Variants in DHTKD1 observed in about 807,000 individuals in gnomAD.
DHTKD1 encodes dehydrogenase E1 and transketolase domain containing 1.
DHTKD1 carries 78 observed loss-of-function variants against 101.8 expected under a neutral mutation model. The ratio of observed to expected loss-of-function variants is 0.77; its 90% CI spans 0.64 to 0.93. The LOEUF (loss-of-function observed/expected upper bound fraction) is 0.93. DHTKD1 is among the 40% of genes least tolerant of loss of function. The pLI is 0.00. For missense variants in DHTKD1, 1,223 were observed against 1,161.7 expected, an observed-to-expected ratio of 1.05 and a Z score of -0.77; for synonymous variants, 462 against 450.3, an observed-to-expected ratio of 1.03 and a Z score of -0.33.
rs140140326 is a variant in DHTKD1 at position 12,114,763 on chromosome 10, CTTGGTTGGTTGGTTGGTTGGTTGG to C, written c.2319+1722_2319+1745del. On this transcript the variant is annotated intron_variant, in intron 13 of 16. Transcript: ENST00000263035. ...AGCTGCGAGTGATTTGCTTCCACCC[CTTGGTTGGTTGGTTGGTTGGTTGG>C]TTGGTTGGTTGGTTGGTTGGTTTTT... 2.0e-4 allele frequency among the ~76,000 whole-genome samples: 30 copies of C among 150,502 alleles called. No individual in the cohort carries two copies. In the South Asian group the frequency reaches 3.2e-3, roughly 16 times the overall value.
At chr10:12,070,359 T>G (rs957849555) in intron 1 of DHTKD1, among the ~76,000 whole-genome samples, 1 of 152,230 alleles carries the variant, frequency 6.6e-6, no homozygotes, top group Admixed American at 6.5e-5. Context: ...ATCATTAGAT[T>G]AATGTTGAAG....
At position 12,122,948 on chromosome 10, in the gene DHTKD1, G is replaced by A. The variant is rs1269592655; in HGVS notation, c.*2060G>A. ...ACTGATCATGTCTTTCAGAATCCAT[G>A]TACATATAGGCTGTTCTAGCCACAG... On this transcript the variant is annotated 3_prime_UTR_variant, in exon 17 of 17. Coordinates refer to ENST00000263035, the MANE Select transcript of DHTKD1 (RefSeq NM_018706.7). 1 of 152,172 alleles carries A rather than the reference G, an allele frequency of 6.6e-6. No individual in the cohort carries two copies. Among genetic ancestry groups the A allele is most frequent in the Non-Finnish European group, 1.5e-5 (1 of 68,030 alleles). 9.4% of individuals were successfully genotyped at this position (152,172 alleles called of 1,614,324 possible). A position where few individuals can be genotyped will look rare whatever the true frequency, so the allele number is the denominator to read the frequency against.
At chr10:12,092,680 G>A (rs1047096430) in intron 6 of DHTKD1, among the ~76,000 whole-genome samples, 1 of 151,926 alleles carries the variant, frequency 6.6e-6, no homozygotes, top group Non-Finnish European at 1.5e-5. Context: ...GTGCATGCCT[G>A]TAATCCCAGC....
At chr10:12,098,563 A>AT in intron 8 of DHTKD1, among the ~76,000 whole-genome samples, 1 of 151,948 alleles carries the variant, frequency 6.6e-6, no homozygotes, top group Non-Finnish European at 1.5e-5. Context: ...CCTCTAAATT[A>AT]TTTTATTTTA....
At chr10:12,106,115 A>T in intron 10 of DHTKD1, 131 bp from the exon 11 acceptor site, 1 of 978,350 alleles carries the variant, frequency 1.0e-6, no homozygotes, top group South Asian at 1.5e-5. Context: ...AAACAAACAA[A>T]CAAAAAGAAT....
chr10:12,107,799 G>A lies in DHTKD1; in HGVS notation c.2048-110G>A. On this transcript the variant is annotated intron_variant, in intron 11 of 16. Transcript: ENST00000263035. This position sits in a 1 kb window ranked among gnomAD's most constrained non-coding sequence, Gnocchi z 4.1. ...CTAGAAGGTGCATGTAATGAAAGCAGTTTTGGGGGGCCAGGCAGAAAACTA... is the reference window on the plus strand; with the variant it reads ...CTAGAAGGTGCATGTAATGAAAGCAATTTTGGGGGGCCAGGCAGAAAACTA... The A allele has an allele frequency of 1.4e-6, 1 of 699,016 alleles. No individual in the cohort carries two copies. The highest frequency in any genetic ancestry group is 2.5e-6 in the Non-Finnish European group (1 of 397,082). 43.3% of individuals were successfully genotyped at this position (699,016 alleles called of 1,614,324 possible).
At chr10:12,086,352 C>T (rs1370907517) in intron 3 of DHTKD1, among the ~76,000 whole-genome samples, 2 of 151,092 alleles carry the variant, frequency 1.3e-5, no homozygotes, top group Non-Finnish European at 2.9e-5. Flanking sequence ...TCCCAAGTAG[C>T]TGGGACTACA....
In DHTKD1 at chr10:12,103,527, G is replaced by GTGTGTGTGTGTT. The variant is rs1833203382; in HGVS notation, c.1896+2347_1896+2348insGTGTGTGTGTTT. ...TGTGTGTGTGTGTGTGTGTGTGTGT[G>GTGTGTGTGTGTT]TATGTATGTGACAGGTCCTCCTCTG... On this transcript the variant is annotated intron_variant, in intron 10 of 16. Coordinates refer to ENST00000263035, the MANE Select transcript of DHTKD1 (RefSeq NM_018706.7). This position sits in a 1 kb window ranked among gnomAD's most constrained non-coding sequence, Gnocchi z 4.8. Among the ~76,000 whole-genome samples, 2 of 145,186 alleles carry GTGTGTGTGTGTT rather than the reference G, an allele frequency of 1.4e-5. No individual in the cohort carries two copies. Among genetic ancestry groups the GTGTGTGTGTGTT allele is most frequent in the Non-Finnish European group, 3.0e-5 (2 of 65,984 alleles).
intron 1 of DHTKD1, among the ~76,000 whole-genome samples, chr10:12,076,815 C>A (rs1016484462): frequency 2.6e-5 from 4 of 151,820 alleles, no homozygotes; most frequent in Non-Finnish European, 4.4e-5. Flanking sequence ...CCCGCCACCA[C>A]GCCCGGCTAA....
intron 13 of DHTKD1, among the ~76,000 whole-genome samples, chr10:12,113,429 C>T (rs1251896014): frequency 3.3e-5 from 5 of 152,154 alleles, no homozygotes; most frequent in African/African-American, 9.7e-5. Context: ...AACTCTTGAC[C>T]TCAGGTGATT....
intron 13 of DHTKD1, among the ~76,000 whole-genome samples, chr10:12,113,936 GTTTT>G (rs1478245063): frequency 4.6e-5 from 7 of 151,932 alleles, no homozygotes; most frequent in African/African-American, 1.7e-4. Context: ...AAAAGAAAAA[GTTTT>G]AAAGCCCATA....
chr10:12,120,406 T>C (rs1833507315), intron 16 of DHTKD1, 139 bp downstream of exon 16: 1 of 694,716 alleles, frequency 1.4e-6, no homozygotes, highest in Admixed American at 2.7e-5. Context: ...CAATCTCAGC[T>C]CACTGCAAGC....
chr10:12,074,650 G>C (rs908296959), intron 1 of DHTKD1, among the ~76,000 whole-genome samples: 5 of 47,636 alleles, frequency 1.0e-4, no homozygotes, highest in African/African-American at 3.4e-4. Flanking sequence ...GAGCTACCGC[G>C]GGTCTTGCTA....
At chr10:12,091,806 T>A in intron 6 of DHTKD1, 122 bp downstream of exon 6, 1 of 646,078 alleles carries the variant, frequency 1.5e-6, no homozygotes, top group Non-Finnish European at 2.4e-6. Flanking sequence ...ATTAATTAAT[T>A]AATTAATTAA....
At chr10:12,118,598 G>A (rs1246945038) in intron 14 of DHTKD1, 151 bp from the exon 15 acceptor site, 5 of 432,614 alleles carry the variant, frequency 1.2e-5, no homozygotes, top group Non-Finnish European at 1.2e-5. Context: ...TAGCCAGGAT[G>A]GTCTTGATTT....
intron 1 of DHTKD1, 89 bp from the exon 2 acceptor site, chr10:12,081,383 G>T: frequency 9.4e-7 from 1 of 1,066,884 alleles, no homozygotes; most frequent in South Asian, 1.3e-5. Flanking sequence ...AGGTGTCTAG[G>T]GCTGTAAGAG....
rs1833142152 is a variant in DHTKD1, at chr10:12,100,285, C to CTGTTTTTTTTTT, written c.1756+25_1756+36dup. ...AAGGTAAGAATTTTCTTTTTTTTTT[C>CTGTTTTTTTTTT]TGTTTTTTTTTTTTTTGAGTCTCAC... is the stretch of plus-strand genomic sequence containing the variant. On this transcript the variant is annotated intron_variant, in intron 9 of 16. Coordinates refer to ENST00000263035, the MANE Select transcript of DHTKD1 (RefSeq NM_018706.7). 669 of 228,988 alleles carry CTGTTTTTTTTTT rather than the reference C, an allele frequency of 2.9e-3. 10 individuals are homozygous for CTGTTTTTTTTTT. The highest frequency in any genetic ancestry group is 4.6e-3 in the Admixed American group (53 of 11,502). 14.2% of individuals were successfully genotyped at this position (228,988 alleles called of 1,614,324 possible).
intron 1 of DHTKD1, among the ~76,000 whole-genome samples, chr10:12,077,099 T>C (rs1832745028): frequency 6.7e-6 from 1 of 150,036 alleles, no homozygotes; most frequent in Non-Finnish European, 1.5e-5. Context: ...TATATATAAG[T>C]ATATATAATT....
chr10:12,083,689 G>A (rs1383012347), intron 2 of DHTKD1, among the ~76,000 whole-genome samples: 1 of 151,958 alleles, frequency 6.6e-6, no homozygotes, highest in Non-Finnish European at 1.5e-5. Context: ...AGCCAAGATC[G>A]TGCCACTGCA....
Sources: gnomAD v4.1 joint callset for allele counts (sites outside exome capture counted in the v4.1 genomes callset) on GRCh38, gnomAD v4.1.1 for gene constraint, Gnocchi (gnomAD v3.1) non-coding constraint, MANE v1.5 for transcripts, NCBI Gene and HGNC (gene_info 2026-07-23, HGNC 2026-07-21) for gene names.